Variants in SMAP1 observed in about 807,000 individuals in gnomAD.
The protein encoded by SMAP1 is small ArfGAP 1.
SMAP1 carries 24 observed loss-of-function variants against 58.5 expected under a neutral mutation model. That is an observed-to-expected ratio of 0.41 (90% confidence interval 0.30 to 0.58). The LOEUF is 0.58. SMAP1 is among the 20% of genes least tolerant of loss of function. The pLI, the probability that SMAP1 is intolerant of heterozygous loss-of-function variation, is 0.29. For synonymous variants in SMAP1, 216 were observed against 196.6 expected, an observed-to-expected ratio of 1.10 and a Z score of -0.82; for missense variants, 563 against 566.3, an observed-to-expected ratio of 0.99 and a Z score of 0.06.
intron 7 of SMAP1, among the ~76,000 whole-genome samples, chr6:70,844,410 A>T (rs921859085): frequency 6.6e-6 from 1 of 152,170 alleles, no homozygotes; most frequent in Non-Finnish European, 1.5e-5. Context: ...ACAGAGCATC[A>T]TAGTGCCTGT....
At chr6:70,856,677 C>T in intron 8 of SMAP1, 182 bp from the exon 9 acceptor site, 1 of 510,926 alleles carries the variant, frequency 2.0e-6, no homozygotes, top group Non-Finnish European at 3.4e-6. Flanking sequence ...GAAGTACTGT[C>T]TTGATTGTAG....
At chr6:70,740,597 G>A (rs1765774756) in intron 2 of SMAP1, among the ~76,000 whole-genome samples, 1 of 151,942 alleles carries the variant, frequency 6.6e-6, no homozygotes, top group South Asian at 2.1e-4. Flanking sequence ...TCAATTTTGA[G>A]TCAATTCCCA....
rs867220886 is a variant in SMAP1 at position 70,758,368 on chromosome 6, G to T, written c.338+3303G>T. On this transcript the variant is annotated intron_variant, in intron 3 of 10. Coordinates refer to ENST00000370455, the MANE Select transcript of SMAP1 (RefSeq NM_001044305.3). ...GGGAATATCACACTCTGGGGACTGTGGTGGGGTGGGGGGAGGGGGGAGGGA... is the reference window on the plus strand; with the variant it reads ...GGGAATATCACACTCTGGGGACTGTTGTGGGGTGGGGGGAGGGGGGAGGGA... Among the ~76,000 whole-genome samples the T allele has an allele frequency of 1.8e-3, 222 of 125,282 alleles. 1 individual carries two copies. The highest frequency in any genetic ancestry group is 5.9e-3 in the African/African-American group (197 of 33,382). The allele number at this position is 125,282 out of a possible 152,430, so 82.2% of individuals were successfully genotyped here. A position where few individuals can be genotyped will look rare whatever the true frequency, so the allele number is the denominator to read the frequency against.
At chr6:70,712,029 A>G (rs1308217954) in intron 1 of SMAP1, among the ~76,000 whole-genome samples, 2 of 152,196 alleles carry the variant, frequency 1.3e-5, no homozygotes, top group East Asian at 3.8e-4. Context: ...AAAAGCTTTC[A>G]GTTTCTCCCC....
intron 1 of SMAP1, among the ~76,000 whole-genome samples, chr6:70,683,914 A>G (rs913954753): frequency 6.6e-6 from 1 of 152,244 alleles, no homozygotes; most frequent in African/African-American, 2.4e-5. Flanking sequence ...TTACTTTGTC[A>G]GGTCACGTAT....
chr6:70,673,209 C>T (rs1766339330), intron 1 of SMAP1, among the ~76,000 whole-genome samples: 1 of 152,188 alleles, frequency 6.6e-6, no homozygotes, highest in Non-Finnish European at 1.5e-5. Flanking sequence ...GCTTTCAAGG[C>T]CACACATACC....
intron 7 of SMAP1, among the ~76,000 whole-genome samples, chr6:70,850,445 T>G (rs898919942): frequency 4.0e-4 from 61 of 151,820 alleles, no homozygotes; most frequent in African/African-American, 1.4e-3. Context: ...CTTGTCACCG[T>G]TTTTTTTCCT....
intron 2 of SMAP1, among the ~76,000 whole-genome samples, chr6:70,747,197 TA>T (rs1766079334): frequency 1.3e-5 from 2 of 152,180 alleles, no homozygotes; most frequent in African/African-American, 4.8e-5. Context: ...AAGTGGCTTT[TA>T]AAAAATATTG....
At chr6:70,691,975 C>T (rs192237584) in intron 1 of SMAP1, among the ~76,000 whole-genome samples, 1 of 152,258 alleles carries the variant, frequency 6.6e-6, no homozygotes, top group Admixed American at 6.5e-5. Context: ...GGGTATATAG[C>T]TAGCAGTGGG....
intron 2 of SMAP1, among the ~76,000 whole-genome samples, chr6:70,754,644 C>T (rs1367573127): frequency 2.0e-5 from 3 of 151,910 alleles, no homozygotes; most frequent in Non-Finnish European, 4.4e-5. Flanking sequence ...TCAAGTGGTG[C>T]ACTAGAAAAA....
intron 3 of SMAP1, among the ~76,000 whole-genome samples, chr6:70,758,243 C>A (rs555594931): frequency 6.6e-6 from 1 of 151,718 alleles, no homozygotes; most frequent in Non-Finnish European, 1.5e-5. Flanking sequence ...AATTGGAAAT[C>A]ATCATTCTCA....
chr6:70,755,866 A>G (rs938288986), intron 3 of SMAP1, among the ~76,000 whole-genome samples: 18 of 152,074 alleles, frequency 1.2e-4, no homozygotes, highest in Non-Finnish European at 2.2e-4. Flanking sequence ...TGTGGCATTT[A>G]GAAGGCAAAT....
intron 1 of SMAP1, among the ~76,000 whole-genome samples, chr6:70,728,405 G>T (rs1426660396): frequency 1.3e-5 from 2 of 152,152 alleles, no homozygotes; most frequent in Non-Finnish European, 2.9e-5. Flanking sequence ...TGGGAAAATT[G>T]ATATTAAAGA....
chr6:70,814,543 T>C (rs1226212390), intron 6 of SMAP1, among the ~76,000 whole-genome samples: 1 of 152,186 alleles, frequency 6.6e-6, no homozygotes, highest in Non-Finnish European at 1.5e-5. Context: ...CAGATGTCAT[T>C]AGAGCCTTCA....
chr6:70,700,654 A>G (rs2149827781), intron 1 of SMAP1, among the ~76,000 whole-genome samples: 1 of 152,370 alleles, frequency 6.6e-6, no homozygotes, highest in African/African-American at 2.4e-5. Context: ...TAGTAACAGA[A>G]GAACGACCTA....
chr6:70,672,579 C>G (rs1362697091), intron 1 of SMAP1, among the ~76,000 whole-genome samples: 1 of 152,154 alleles, frequency 6.6e-6, no homozygotes, highest in Non-Finnish European at 1.5e-5. Context: ...TGGATTATAG[C>G]TGTAAGAGAG....
intron 4 of SMAP1, among the ~76,000 whole-genome samples, chr6:70,776,846 A>G (rs1767568388): frequency 6.6e-6 from 1 of 152,180 alleles, no homozygotes; most frequent in Non-Finnish European, 1.5e-5. Context: ...GCTGAATAGT[A>G]TTCCATTGTG....
chr6:70,760,340 AG>A (rs577147388), intron 3 of SMAP1, among the ~76,000 whole-genome samples: 113 of 152,152 alleles, frequency 7.4e-4, no homozygotes, highest in Admixed American at 2.1e-3. Context: ...TATTTATGTG[AG>A]GTATTGATCT....
At chr6:70,747,616 A>T (rs1192240683) in intron 2 of SMAP1, among the ~76,000 whole-genome samples, 2 of 152,168 alleles carry the variant, frequency 1.3e-5, no homozygotes, top group East Asian at 3.9e-4. Context: ...AATAACCAAG[A>T]CTTTTGGCAG....
Sources: allele counts gnomAD v4.1 joint callset (sites outside exome capture counted in the v4.1 genomes callset), GRCh38; gene constraint gnomAD v4.1.1; transcripts MANE v1.5; gene names NCBI Gene and HGNC (gene_info 2026-07-23, HGNC 2026-07-21).